TBC1D10C: variants seen among roughly 807,000 people sequenced by gnomAD.
TBC1D10C encodes the protein carabin.
In TBC1D10C, 49 loss-of-function variants were observed where a neutral mutation model predicts 51.0. That is an observed-to-expected ratio of 0.96 (90% CI 0.76 to 1.22). TBC1D10C has a LOEUF of 1.22. Ranked by LOEUF, TBC1D10C falls within the 50% of genes most tolerant of loss-of-function variation. The pLI is 0.00. For missense variants in TBC1D10C, 541 were observed against 617.5 expected, an observed-to-expected ratio of 0.88 and a Z score of 1.31; for synonymous variants, 281 against 266.7, an observed-to-expected ratio of 1.05 and a Z score of -0.52.
rs1863124615 is a variant in TBC1D10C, at chr11:67,405,612, T to A, written c.378T>A (p.Pro126=). Residue 126 remains proline, a synonymous_variant, in exon 4 of 9, where the codon CCT becomes CCA. Coordinates refer to ENST00000542590, the MANE Select transcript of TBC1D10C (RefSeq NM_001369496.1). ...ACCCACAGGAGCTGGCAGAGGCCCC[T>A]GGAGACCCACAGTGGATGGAGACCA... is the stretch of plus-strand genomic sequence containing the variant. The part of the protein sequence containing the change: ...PGTYQELAEA[P]GDPQWMETIG... 6.2e-7 allele frequency: 1 copy of A among 1,613,748 alleles called. No homozygotes were observed. The highest frequency in any genetic ancestry group is 1.1e-5 in the South Asian group (1 of 91,088).
chr11:67,409,709 C>T lies in TBC1D10C; in HGVS notation c.1296C>T (p.Pro432=). 6.3e-7 allele frequency: 1 copy of T among 1,593,278 alleles called. No individual in the cohort carries two copies. The highest frequency in any genetic ancestry group is 2.2e-5 in the East Asian group (1 of 44,844). ...RARGPPIEGP[P]RPQRGSTSFL... ...GGGGCCCCCCCATCGAGGGGCCCCC[C>T]AGGCCCCAACGAGGCTCCACCTCCT... Residue 432 remains proline, a synonymous_variant, in exon 9 of 9, where the codon CCC becomes CCT. Coordinates refer to ENST00000542590, the MANE Select transcript of TBC1D10C (RefSeq NM_001369496.1).
At chr11:67,408,790 CTT>C (rs1231615415) in intron 7 of TBC1D10C, 187 bp from the exon 8 acceptor site, 1 of 647,802 alleles carries the variant, frequency 1.5e-6, no homozygotes, top group South Asian at 3.3e-5. Flanking sequence ...ATCTGTGGCT[CTT>C]GAGGCTAACT....
Position 67,409,006 on chromosome 11 carries a change from T to C in TBC1D10C, c.866T>C (p.Leu289Pro), listed in dbSNP as rs1432058395. The C allele has an allele frequency of 6.4e-7, 1 of 1,568,012 alleles. No homozygotes were observed. The highest frequency in any genetic ancestry group is 8.6e-7 in the Non-Finnish European group (1 of 1,158,408). ...GCCAGAGTACTGTTCCGTGTGGGGC[T>C]GACACTGGTGCGCCTGGCGCTGGGC... Reference protein sequence around the residue: ...EGARVLFRVGLTLVRLALGTA... With the variant: ...EGARVLFRVGPTLVRLALGTA... Residue 289 changes from leucine to proline, a missense_variant, in exon 8 of 9, where the codon CTG (leucine) becomes CCG (proline). By Grantham distance (98) the Leu-to-Pro change is moderately conservative. Coordinates refer to ENST00000542590, the MANE Select transcript of TBC1D10C (RefSeq NM_001369496.1).
At chr11:67,407,159 T>C in intron 7 of TBC1D10C, 143 bp downstream of exon 7, 1 of 926,784 alleles carries the variant, frequency 1.1e-6, no homozygotes, top group South Asian at 1.7e-5. Context: ...TGGCGCTACA[T>C]CACCCATCAC....
At position 67,409,898 on chromosome 11, in the gene TBC1D10C, C is replaced by G. The variant is rs1863382793; in HGVS notation, c.*144C>G. On this transcript the variant is annotated 3_prime_UTR_variant, in exon 9 of 9. Transcript: ENST00000542590. The stretch of plus-strand genomic sequence containing the variant: ...ACCAGGCAGTGGGGAAGGAGGAGGT[C>G]CTCCGTGGTACATACTGGGTCAGGC... The G allele has an allele frequency of 9.8e-6, 7 of 715,042 alleles. No homozygotes were observed. Among genetic ancestry groups the G allele is most frequent in the Non-Finnish European group, 1.6e-5 (7 of 443,648 alleles). 44.3% of individuals were successfully genotyped at this position (715,042 alleles called of 1,614,324 possible).
intron 7 of TBC1D10C, 177 bp downstream of exon 7, chr11:67,407,193 G>A: frequency 1.3e-6 from 1 of 767,160 alleles, no homozygotes; most frequent in Non-Finnish European, 2.0e-6. Context: ...ACCGCCTGGT[G>A]CAGAGCTGGG....
Position 67,406,853 on chromosome 11 carries a change from G to A in TBC1D10C, c.675G>A (p.Val225=). The change falls in exon 7 of 9, where the codon GTG becomes GTA. Residue 225 remains valine, a synonymous_variant. Coordinates refer to ENST00000542590, the MANE Select transcript of TBC1D10C (RefSeq NM_001369496.1). ...HMEAVRLDAE[V]FMALLRRLLP... ...AGGCTGTGCGGCTGGACGCCGAGGT[G>A]TTCATGGCCCTGCTGCGGCGGCTGC... 1 of 1,610,144 alleles carries A rather than the reference G, an allele frequency of 6.2e-7. No individual in the cohort carries two copies. The highest frequency in any genetic ancestry group is 8.5e-7 in the Non-Finnish European group (1 of 1,179,384).
At chr11:67,405,211 C>T (rs1415845918) in intron 2 of TBC1D10C, 27 bp downstream of exon 2, 1 of 1,547,934 alleles carries the variant, frequency 6.5e-7, no homozygotes. Context: ...CCCCACTTGG[C>T]TTCCATGGCT....
intron 1 of TBC1D10C, among the ~76,000 whole-genome samples, chr11:67,404,681 A>G (rs1347677151): frequency 6.6e-6 from 1 of 152,144 alleles, no homozygotes; most frequent in East Asian, 1.9e-4. Flanking sequence ...AGCTACAGAC[A>G]GAAACACAAG....
chr11:67,406,115 T>G (rs1174188030), intron 5 of TBC1D10C, 98 bp downstream of exon 5: 2 of 1,040,684 alleles, frequency 1.9e-6, no homozygotes, highest in Non-Finnish European at 2.7e-6. Context: ...AATCCTTGAT[T>G]CCTGGACCCT....
At chr11:67,407,129 G>A (rs891774557) in intron 7 of TBC1D10C, 113 bp downstream of exon 7, 24 of 1,234,160 alleles carry the variant, frequency 1.9e-5, no homozygotes, top group African/African-American at 6.1e-5. Flanking sequence ...TGGGTGTGCC[G>A]AAGGTGATGG....
At chr11:67,406,456 G>A in intron 5 of TBC1D10C, 171 bp from the exon 6 acceptor site, 2 of 626,582 alleles carry the variant, frequency 3.2e-6, no homozygotes, top group Non-Finnish European at 5.6e-6. Flanking sequence ...GGGCAGAGGA[G>A]GGGGCTTTTG....
In TBC1D10C at chr11:67,409,120, C is replaced by G; in HGVS notation, c.980C>G (p.Ala327Gly). The G allele has an allele frequency of 1.3e-6, 2 of 1,596,200 alleles. No homozygotes were observed. Among genetic ancestry groups the G allele is most frequent in the Non-Finnish European group, 1.7e-6 (2 of 1,172,702 alleles). The change falls in exon 8 of 9, where the codon GCC becomes GGC. Residue 327 changes from alanine (A) to glycine (G), a missense_variant. Transcript: ENST00000542590. The part of the protein sequence containing the change: ...AIPPAQLQEE[A>G]FMSQVHSVVL... The stretch of plus-strand genomic sequence containing the variant: ...CCCCCCGCGCAGCTGCAGGAGGAGG[C>G]CTTCATGTCACAGGTGGGTACCCCC...
Position 67,404,168 on chromosome 11 carries a change from T to C in TBC1D10C, c.-35T>C. On this transcript the variant is annotated 5_prime_UTR_variant, in exon 1 of 9. Coordinates refer to ENST00000542590, the MANE Select transcript of TBC1D10C (RefSeq NM_001369496.1). Reference sequence around the variant, plus strand: ...GGCCCCTCACACTGGTTCTCCCCACTTTCTCTGCCTGTGGCATCGAAGGCC... The same window carrying C: ...GGCCCCTCACACTGGTTCTCCCCACCTTCTCTGCCTGTGGCATCGAAGGCC... 1 of 1,465,240 alleles carries C rather than the reference T, an allele frequency of 6.8e-7. No individual in the cohort carries two copies. The highest frequency in any genetic ancestry group is 9.0e-7 in the Non-Finnish European group (1 of 1,105,524). 90.8% of individuals were successfully genotyped at this position (1,465,240 alleles called of 1,614,324 possible).
chr11:67,406,122 C>G, intron 5 of TBC1D10C, 105 bp downstream of exon 5: 1 of 998,962 alleles, frequency 1.0e-6, no homozygotes, highest in Non-Finnish European at 1.4e-6. Context: ...GATTCCTGGA[C>G]CCTGTCCTAG....
chr11:67,407,498 G>A lies in TBC1D10C; in HGVS notation c.838+482G>A, dbSNP rs544097274. ...AGGGATGTGACAGGGAGTGTCAGGG[G>A]AGTGCAGGGGCGATGGCTGCATTTA... is the stretch of plus-strand genomic sequence containing the variant. On this transcript the variant is annotated intron_variant, in intron 7 of 8. Coordinates refer to ENST00000542590, the MANE Select transcript of TBC1D10C (RefSeq NM_001369496.1). 8 of 165,922 alleles carry A rather than the reference G, an allele frequency of 4.8e-5. No homozygotes were observed. In the South Asian group the frequency reaches 1.1e-3, roughly 22 times the overall value. The allele number at this position is 165,922 out of a possible 1,614,324, so 10.3% of individuals were successfully genotyped here. A position where few individuals can be genotyped will look rare whatever the true frequency, so the allele number is the denominator to read the frequency against.
In TBC1D10C at chr11:67,409,500, C is replaced by G. The variant is rs771396666; in HGVS notation, c.1087C>G (p.Arg363Gly). ...CGATTCCGCGCCGGGACCCCCGCCC[C>G]GGCCACAGGTCCGCCTCGCCGGGGC... ...LPDSAPGPPP[R>G]PQVRLAGAQA... Residue 363 changes from arginine (R) to glycine (G), a missense_variant, in exon 9 of 9, where the codon CGG becomes GGG. By Grantham distance (125) the Arg-to-Gly change is moderately radical (BLOSUM62 -2). Coordinates refer to ENST00000542590, the MANE Select transcript of TBC1D10C (RefSeq NM_001369496.1). 25 of 1,548,418 alleles carry G rather than the reference C, an allele frequency of 1.6e-5. No homozygotes were observed. In the East Asian group the frequency reaches 6.1e-4, roughly 38 times the overall value.
chr11:67,404,606 C>T (rs1421446017), intron 1 of TBC1D10C, among the ~76,000 whole-genome samples: 1 of 152,154 alleles, frequency 6.6e-6, no homozygotes, highest in Non-Finnish European at 1.5e-5. Context: ...CCCCTTTGAA[C>T]CTCTGGCTCA....
rs1336416456 is a variant in TBC1D10C at position 67,406,662 on chromosome 11, C to T, written c.618C>T (p.Val206=). Residue 206 remains valine (V), a synonymous_variant, in exon 6 of 9, where the codon GTC becomes GTT. Transcript: ENST00000542590. ...AFWCLVQICE[V]YLPGYYGPHM... Reference sequence around the variant, plus strand: ...GGTGCCTGGTGCAGATCTGTGAGGTCTACCTCCCTGGGTACTACGGGCCCC... The same window carrying T: ...GGTGCCTGGTGCAGATCTGTGAGGTTTACCTCCCTGGGTACTACGGGCCCC... 6 of 1,577,412 alleles carry T rather than the reference C, an allele frequency of 3.8e-6. No individual in the cohort carries two copies. Among genetic ancestry groups the T allele is most frequent in the Non-Finnish European group, 3.4e-6 (4 of 1,160,976 alleles).
Sources: allele counts gnomAD v4.1 joint callset (sites outside exome capture counted in the v4.1 genomes callset), GRCh38; gene constraint gnomAD v4.1.1; transcripts MANE v1.5; gene names NCBI Gene and HGNC (gene_info 2026-07-23, HGNC 2026-07-21).